Variants in ZC3HC1 observed in about 807,000 individuals in gnomAD.
ZC3HC1 encodes the protein zinc finger C3HC-type containing 1.
ZC3HC1 carries 38 observed loss-of-function variants against 61.9 expected under a neutral mutation model. That is an observed-to-expected ratio of 0.61 (90% CI 0.47 to 0.81). The LOEUF (loss-of-function observed/expected upper bound fraction) is 0.81, where lower values mean the gene tolerates loss of function less well. Ranked by LOEUF, ZC3HC1 falls within the 30% of genes least tolerant of loss-of-function variation. ZC3HC1 has a pLI of 0.00. For synonymous variants in ZC3HC1, 213 were observed against 229.9 expected, an observed-to-expected ratio of 0.93 and a Z score of 0.67; for missense variants, 554 against 622.7, an observed-to-expected ratio of 0.89 and a Z score of 1.17.
rs762822221 is a variant in ZC3HC1 at position 130,023,657 on chromosome 7, G to C, written c.1087C>G (p.Arg363Gly). The change falls in exon 8 of 10, where the codon CGT becomes GGT. Residue 363 changes from arginine to glycine, a missense_variant. Physicochemically the swap from Arg to Gly is moderately radical, Grantham distance 125. Coordinates refer to ENST00000358303, the MANE Select transcript of ZC3HC1 (RefSeq NM_016478.5). The surrounding 1 kb of genome is among the most constrained non-coding windows in gnomAD (Gnocchi z 4.2). ...GGGCTAGCAGCCTCTGGCTCAGGAC[G>C]GTCAACAGGACTGGAAGAGTCCCAG... is the stretch of plus-strand genomic sequence containing the variant. ...RSWDSSSPVD[R>G]PEPEAASPTT... 19 of 1,614,118 alleles carry C rather than the reference G, an allele frequency of 1.2e-5. 1 individual carries two copies. The South Asian group carries it at 2.0e-4, about 17-fold the overall frequency.
chr7:130,032,797 A>AAGGGAGGG (rs1794273568), intron 4 of ZC3HC1, among the ~76,000 whole-genome samples: 1 of 72,170 alleles, frequency 1.4e-5, no homozygotes, highest in African/African-American at 5.5e-5. Flanking sequence ...GAGGGAAGGA[A>AAGGGAGGG]AGGAAGGGAA....
Position 130,049,153 on chromosome 7 carries a change from A to C in ZC3HC1, c.147-9T>G, listed in dbSNP as rs1411659598. On this transcript the variant is annotated splice_polypyrimidine_tract_variant and intron_variant, in intron 1 of 9. Transcript: ENST00000358303. The stretch of plus-strand genomic sequence containing the variant: ...TGGCAGACGTGTCCTTCCTAATATA[A>C]AGTGGCAAAACTGTTGGTAAACCTT... The C allele has an allele frequency of 6.3e-7, 1 of 1,583,968 alleles. No homozygotes were observed. Among genetic ancestry groups the C allele is most frequent in the Non-Finnish European group, 8.6e-7 (1 of 1,166,300 alleles).
rs1793900716 is a variant in ZC3HC1, at chr7:130,026,211, G to A, written c.723C>T (p.Asp241=). The A allele has an allele frequency of 6.2e-7, 1 of 1,614,140 alleles. No individual in the cohort carries two copies. The highest frequency in any genetic ancestry group is 8.5e-7 in the Non-Finnish European group (1 of 1,180,012). ...TACAGGCAGTGACGTGGACTTGGAT[G>A]TCTGAGCCTAATTTGATTGTAGTTT... is the stretch of plus-strand genomic sequence containing the variant. The part of the protein sequence containing the change: ...ERKTTIKLGS[D]IQVHVTACIL... The change falls in exon 6 of 10, where the codon GAC becomes GAT. Residue 241 remains aspartate (D), a synonymous_variant. Transcript: ENST00000358303.
At chr7:130,021,641 ACT>A (rs1793645054) in intron 9 of ZC3HC1, among the ~76,000 whole-genome samples, 2 of 152,318 alleles carry the variant, frequency 1.3e-5, no homozygotes, top group Non-Finnish European at 2.9e-5. Flanking sequence ...AGCTAAGTTA[ACT>A]GGCCAGGCTC....
intron 9 of ZC3HC1, among the ~76,000 whole-genome samples, chr7:130,019,340 C>A (rs932867186): frequency 7.9e-5 from 12 of 152,132 alleles, no homozygotes; most frequent in Non-Finnish European, 1.8e-4. Context: ...TGAGCCACCA[C>A]GCCCGGCCTG....
In ZC3HC1 at chr7:130,040,980, C is replaced by G; in HGVS notation, c.380G>C (p.Ser127Thr). Residue 127 changes from serine to threonine, a missense_variant, in exon 3 of 10, where the codon AGT (serine) becomes ACT (threonine). Transcript: ENST00000358303. ...GTCAAAGTCAAAAGCTGGTTGTAAA[C>G]TGGCACAGAGAAAAGCTTGACAGCT... ...CSSCQAFLCASLQPAFDFDRY... is the reference protein window; with the variant it reads ...CSSCQAFLCATLQPAFDFDRY... 1 of 1,612,714 alleles carries G rather than the reference C, an allele frequency of 6.2e-7. No individual in the cohort carries two copies. Among genetic ancestry groups the G allele is most frequent in the Non-Finnish European group, 8.5e-7 (1 of 1,179,712 alleles).
chr7:130,038,422 C>T (rs1417184770), intron 4 of ZC3HC1, among the ~76,000 whole-genome samples: 1 of 152,176 alleles, frequency 6.6e-6, no homozygotes, highest in African/African-American at 2.4e-5. Flanking sequence ...GCTGTTAGTA[C>T]TCCCTCTACA....
chr7:130,043,310 C>T (rs1203539241), intron 2 of ZC3HC1: 1 of 151,614 alleles, frequency 6.6e-6, no homozygotes, highest in East Asian at 1.9e-4. Context: ...GCTCTTATTT[C>T]ACAAAGCACA....
intron 6 of ZC3HC1, 29 bp downstream of exon 6, chr7:130,026,129 A>G: frequency 6.2e-7 from 1 of 1,606,216 alleles, no homozygotes; most frequent in Non-Finnish European, 8.5e-7. Flanking sequence ...GTCATGGTTC[A>G]TGTCTCCAGG....
chr7:130,050,632 TTTGTC>T, intron 1 of ZC3HC1: 2 of 732,230 alleles, frequency 2.7e-6, no homozygotes, highest in Non-Finnish European at 4.2e-6. Flanking sequence ...TACCTGCTAA[TTTGTC>T]ACCAATGGAA....
chr7:130,020,472 C>T lies in ZC3HC1; in HGVS notation c.1441-1740G>A, dbSNP rs148829499. Among the ~76,000 whole-genome samples, 1,032 of 151,672 alleles carry T rather than the reference C, an allele frequency of 6.8e-3. 10 individuals carry two copies. Among genetic ancestry groups the T allele is most frequent in the African/African-American group, 0.024 (973 of 41,332 alleles). On this transcript the variant is annotated intron_variant, in intron 9 of 9. Coordinates refer to ENST00000358303, the MANE Select transcript of ZC3HC1 (RefSeq NM_016478.5). ...AGATGGGGTTTTGCCATGTTGGCCA[C>T]GCTGGTCTCGAACTCCTGACCTCAG...
chr7:130,051,127 G>C, intron 1 of ZC3HC1, 94 bp downstream of exon 1: 1 of 1,475,400 alleles, frequency 6.8e-7, no homozygotes, highest in Non-Finnish European at 9.0e-7. Flanking sequence ...TGCCCGAGTC[G>C]CCGACCGAGG....
At chr7:130,022,231 G>A (rs1793675036) in intron 9 of ZC3HC1, 88 bp downstream of exon 9, 22 of 1,522,580 alleles carry the variant, frequency 1.4e-5, no homozygotes, top group Non-Finnish European at 1.9e-5. Context: ...GCTGAAGGCA[G>A]GCGGGGTGCT....
chr7:130,028,992 A>C lies in ZC3HC1; in HGVS notation c.531T>G (p.Ile177Met). 4 of 1,613,768 alleles carry C rather than the reference A, an allele frequency of 2.5e-6. No individual in the cohort carries two copies. The highest frequency in any genetic ancestry group is 3.4e-6 in the Non-Finnish European group (4 of 1,179,770). Residue 177 changes from isoleucine (I) to methionine (M), a missense_variant, in exon 5 of 10, where the codon ATT (isoleucine) becomes ATG (methionine). Ile to Met is a conservative substitution (Grantham distance 10). Transcript: ENST00000358303. ...AACGATCTAGGAATTCACTAACAAG[A>C]ATAGCAGGCTCATCCAGGGGCAACA... is the stretch of plus-strand genomic sequence containing the variant. Reference protein sequence around the residue: ...FGMLPLDEPAILVSEFLDRFQ... With the variant: ...FGMLPLDEPAMLVSEFLDRFQ...
chr7:130,026,372 T>C, intron 5 of ZC3HC1, 60 bp from the exon 6 acceptor site: 1 of 1,558,282 alleles, frequency 6.4e-7, no homozygotes, highest in Non-Finnish European at 8.7e-7. Flanking sequence ...AAATTACACA[T>C]TATAACATAC....
chr7:130,021,186 G>A (rs1012009102), intron 9 of ZC3HC1, among the ~76,000 whole-genome samples: 5 of 152,048 alleles, frequency 3.3e-5, no homozygotes, highest in African/African-American at 4.8e-5. Flanking sequence ...GATTACAGGC[G>A]TGAGCCACCA....
At chr7:130,049,981 GA>G (rs199955589) in intron 1 of ZC3HC1, among the ~76,000 whole-genome samples, 3 of 150,654 alleles carry the variant, frequency 2.0e-5, no homozygotes, top group African/African-American at 7.3e-5. Context: ...GAGATTTCAT[GA>G]AAAAAAAATC....
intron 4 of ZC3HC1, among the ~76,000 whole-genome samples, chr7:130,033,445 C>CTTTTTTTTTT (rs3043729): frequency 1.2e-5 from 1 of 82,852 alleles, no homozygotes; most frequent in Non-Finnish European, 2.3e-5. Flanking sequence ...CTATAGCATT[C>CTTTTTTTTTT]TTTTTTTTTT....
chr7:130,043,730 G>C (rs981184626), intron 2 of ZC3HC1: 1 of 391,186 alleles, frequency 2.6e-6, no homozygotes, highest in African/African-American at 2.1e-5. Context: ...CAGGGTGTCA[G>C]AACCAAAGTG....
Sources: allele counts gnomAD v4.1 joint callset (sites outside exome capture counted in the v4.1 genomes callset), GRCh38; gene constraint gnomAD v4.1.1; non-coding constraint Gnocchi (gnomAD v3.1); transcripts MANE v1.5; gene names NCBI Gene and HGNC (gene_info 2026-07-23, HGNC 2026-07-21).